The following NCAM1 variants were observed in gnomAD, a reference collection of about 807,000 sequenced individuals.
NCAM1 encodes the protein neural cell adhesion molecule 1.
Under a neutral mutation model 109.8 loss-of-function variants are expected in NCAM1, and 14 were observed. The ratio of observed to expected loss-of-function variants is 0.13; its 90% CI spans 0.08 to 0.20. The LOEUF is 0.20. NCAM1 is among the 10% of genes least tolerant of loss of function. The pLI is 1.00. For missense variants in NCAM1, 774 were observed against 1,109.9 expected, an observed-to-expected ratio of 0.70 and a Z score of 4.30; for synonymous variants, 418 against 442.9, an observed-to-expected ratio of 0.94 and a Z score of 0.70.
chr11:113,150,835 T>A (rs1942200106), intron 1 of NCAM1, among the ~76,000 whole-genome samples: 1 of 152,026 alleles, frequency 6.6e-6, no homozygotes, highest in African/African-American at 2.4e-5. Flanking sequence ...TAGAATATCA[T>A]CAGACTAGGA....
intron 1 of NCAM1, among the ~76,000 whole-genome samples, chr11:113,195,462 C>CAG (rs1464298110): frequency 6.7e-6 from 1 of 148,630 alleles, no homozygotes; most frequent in African/African-American, 2.5e-5. Context: ...ACACCACACA[C>CAG]ACACACACAC....
chr11:112,996,175 ATTG>A (rs1370875340), intron 1 of NCAM1, among the ~76,000 whole-genome samples: 15 of 152,314 alleles, frequency 9.8e-5, no homozygotes, highest in African/African-American at 3.6e-4. Flanking sequence ...TACACTTTGC[ATTG>A]TTGTAAACTG....
chr11:112,986,301 A>G lies in NCAM1; in HGVS notation c.52+24637A>G, dbSNP rs535434461. Among the ~76,000 whole-genome samples, 187 of 152,088 alleles carry G rather than the reference A, an allele frequency of 1.2e-3. 1 individual carries two copies. Among genetic ancestry groups the G allele is most frequent in the African/African-American group, 4.2e-3 (174 of 41,534 alleles). ...AGTTATCCTTTTAATGTGCTGTTGAATTAGGTTTGCTAGTATTTTTTTGAG... is the reference window on the plus strand; with the variant it reads ...AGTTATCCTTTTAATGTGCTGTTGAGTTAGGTTTGCTAGTATTTTTTTGAG... On this transcript the variant is annotated intron_variant, in intron 1 of 19. Coordinates refer to ENST00000316851, the MANE Select transcript of NCAM1 (RefSeq NM_181351.5).
chr11:113,094,679 G>C (rs1555090006), intron 1 of NCAM1, among the ~76,000 whole-genome samples: 1 of 152,094 alleles, frequency 6.6e-6, no homozygotes, highest in African/African-American at 2.4e-5. Context: ...CCCCTGTCTG[G>C]GGTCTATTTT....
intron 1 of NCAM1, among the ~76,000 whole-genome samples, chr11:112,979,258 T>C (rs1365723408): frequency 6.6e-6 from 1 of 151,652 alleles, no homozygotes; most frequent in Non-Finnish European, 1.5e-5. Flanking sequence ...AAACCTGTAA[T>C]TTTTACCATT....
chr11:113,060,901 A>G (rs782227689), intron 1 of NCAM1, among the ~76,000 whole-genome samples: 153 of 152,216 alleles, frequency 1.0e-3, no homozygotes, highest in Non-Finnish European at 1.9e-3. Flanking sequence ...ATGGAAGAAT[A>G]CATAAAGAAT....
intron 1 of NCAM1, among the ~76,000 whole-genome samples, chr11:113,164,943 C>T (rs1942736428): frequency 6.6e-6 from 1 of 152,162 alleles, no homozygotes; most frequent in African/African-American, 2.4e-5. Context: ...CGAAAGTCAA[C>T]TAATTTGAAC....
chr11:113,032,626 G>A (rs189394374), intron 1 of NCAM1, among the ~76,000 whole-genome samples: 7 of 152,254 alleles, frequency 4.6e-5, no homozygotes, highest in East Asian at 3.9e-4. Flanking sequence ...GCATCGTGGC[G>A]TTTTCTTCCT....
At chr11:112,964,491 G>A (rs964021515) in intron 1 of NCAM1, among the ~76,000 whole-genome samples, 18 of 152,212 alleles carry the variant, frequency 1.2e-4, no homozygotes, top group Admixed American at 5.9e-4. Flanking sequence ...TCAAGGAATG[G>A]ATAGGACTGG....
At chr11:113,020,648 A>G (rs1406590336) in intron 1 of NCAM1, among the ~76,000 whole-genome samples, 1 of 152,182 alleles carries the variant, frequency 6.6e-6, no homozygotes, top group African/African-American at 2.4e-5. Context: ...ATAGGGACAT[A>G]TCTCTGTTGA....
intron 1 of NCAM1, among the ~76,000 whole-genome samples, chr11:113,051,444 T>A (rs1476916797): frequency 6.6e-6 from 1 of 152,040 alleles, no homozygotes; most frequent in Non-Finnish European, 1.5e-5. Context: ...TTTATTAGTA[T>A]CAAAAAGTAA....
At chr11:113,037,892 T>G (rs1168905086) in intron 1 of NCAM1, among the ~76,000 whole-genome samples, 7 of 152,154 alleles carry the variant, frequency 4.6e-5, no homozygotes, top group Non-Finnish European at 1.5e-5. Context: ...ACAGCTCTCT[T>G]CCTGGACTCA....
chr11:112,988,090 T>C (rs1555069985), intron 1 of NCAM1, among the ~76,000 whole-genome samples: 4 of 152,132 alleles, frequency 2.6e-5, no homozygotes, highest in Non-Finnish European at 4.4e-5. Flanking sequence ...GAGGCGTACA[T>C]AGAGCATGTT....
chr11:112,994,589 A>G (rs1013563987), intron 1 of NCAM1, among the ~76,000 whole-genome samples: 1 of 152,178 alleles, frequency 6.6e-6, no homozygotes, highest in South Asian at 2.1e-4. Flanking sequence ...TGATGGGACA[A>G]TGGGGAAGAG....
intron 1 of NCAM1, among the ~76,000 whole-genome samples, chr11:113,017,324 A>G (rs1952233034): frequency 1.3e-5 from 2 of 152,228 alleles, no homozygotes; most frequent in Admixed American, 1.3e-4. Context: ...TTAGACATGA[A>G]CAAACTTTTT....
intron 1 of NCAM1, among the ~76,000 whole-genome samples, chr11:113,190,929 A>C (rs1404392576): frequency 6.6e-6 from 1 of 152,162 alleles, no homozygotes; most frequent in Non-Finnish European, 1.5e-5. Context: ...GCACAAGTTG[A>C]GTGGCTATAT....
At chr11:113,046,389 C>T (rs12574893) in intron 1 of NCAM1, among the ~76,000 whole-genome samples, 29,511 of 152,070 alleles carry the variant, frequency 0.19, 3,121 homozygotes, top group East Asian at 0.46. Flanking sequence ...CTATAATTAC[C>T]GCCTCCCCAT....
chr11:113,090,748 A>G (rs1555089223), intron 1 of NCAM1, among the ~76,000 whole-genome samples: 21 of 152,354 alleles, frequency 1.4e-4, no homozygotes, highest in Non-Finnish European at 2.9e-5. Context: ...AACTTAAATT[A>G]TCCCAAAAAC....
At chr11:112,997,878 C>T (rs370427143) in intron 1 of NCAM1, among the ~76,000 whole-genome samples, 1 of 152,320 alleles carries the variant, frequency 6.6e-6, no homozygotes, top group Admixed American at 6.5e-5. Context: ...ATTTTGTTCT[C>T]TTCTTATGAA....
Sources: gnomAD v4.1 joint callset for allele counts (sites outside exome capture counted in the v4.1 genomes callset) on GRCh38, gnomAD v4.1.1 for gene constraint, MANE v1.5 for transcripts, NCBI Gene and HGNC (gene_info 2026-07-23, HGNC 2026-07-21) for gene names.